FREM1: variants seen among roughly 807,000 people sequenced by gnomAD.
FREM1 encodes FRAS1 related extracellular matrix 1.
A neutral mutation model predicts 210.1 loss-of-function variants in FREM1; 220 were observed. The ratio of observed to expected loss-of-function variants is 1.05; its 90% CI spans 0.94 to 1.17. FREM1 has a LOEUF of 1.17. Among genes scored for constraint, FREM1 ranks in the 50% most tolerant of loss-of-function variants. The pLI is 0.00. For synonymous variants in FREM1, 1,189 were observed against 980.2 expected (o/e 1.21, Z -3.98); for missense variants, 3,454 against 2,675.5 (o/e 1.29, Z -6.42).
intron 19 of FREM1, among the ~76,000 whole-genome samples, chr9:14,804,563 C>T (rs896041905): frequency 2.0e-5 from 3 of 152,034 alleles, no homozygotes; most frequent in African/African-American, 4.8e-5. Flanking sequence ...CCAGCCTGGG[C>T]GACAGAGCGG....
At chr9:14,843,462 G>C (rs968923197) in intron 8 of FREM1, among the ~76,000 whole-genome samples, 6 of 152,036 alleles carry the variant, frequency 3.9e-5, no homozygotes, top group African/African-American at 1.2e-4. Context: ...AATTACATAA[G>C]CCAATTCCCA....
chr9:14,877,926 A>T (rs1013237035), intron 1 of FREM1, among the ~76,000 whole-genome samples: 7 of 151,968 alleles, frequency 4.6e-5, no homozygotes, highest in Admixed American at 2.6e-4. Flanking sequence ...AAGTTAATAC[A>T]CTCTTCCTTC....
chr9:14,882,769 C>G (rs578119487), intron 1 of FREM1, among the ~76,000 whole-genome samples: 5 of 151,490 alleles, frequency 3.3e-5, no homozygotes, highest in African/African-American at 7.3e-5. Context: ...GGATTCTAAT[C>G]CTGATTTTTA....
intron 5 of FREM1, among the ~76,000 whole-genome samples, chr9:14,856,204 C>A (rs914688286): frequency 1.3e-5 from 2 of 152,150 alleles, no homozygotes; most frequent in African/African-American, 4.8e-5. Context: ...GTACTATAAA[C>A]CCACTTTAAG....
chr9:14,737,194 C>T lies in FREM1; in HGVS notation c.*202G>A, dbSNP rs376485630. ...ATTTATTTTAAAAGGTATTGAGATACAAAAATTGTATCTTATCTTGTAAAA... is the reference window on the plus strand; with the variant it reads ...ATTTATTTTAAAAGGTATTGAGATATAAAAATTGTATCTTATCTTGTAAAA... On this transcript the variant is annotated 3_prime_UTR_variant, in exon 37 of 37. Coordinates refer to ENST00000380880, the MANE Select transcript of FREM1 (RefSeq NM_001379081.2). 2.0e-6 allele frequency: 1 copy of T among 499,452 alleles called. No homozygotes were observed. Among genetic ancestry groups the T allele is most frequent in the South Asian group, 3.7e-5 (1 of 26,782 alleles). 30.9% of individuals were successfully genotyped at this position (499,452 alleles called of 1,614,324 possible). A position where few individuals can be genotyped will look rare whatever the true frequency, so the allele number is the denominator to read the frequency against.
chr9:14,740,798 TG>T (rs537687733), intron 35 of FREM1, among the ~76,000 whole-genome samples: 105 of 152,340 alleles, frequency 6.9e-4, no homozygotes, highest in African/African-American at 2.5e-3. Context: ...TTAAAGTGCT[TG>T]TTTTTACAAA....
At position 14,861,358 on chromosome 9, in the gene FREM1, C is replaced by CACATATATAT. The variant is rs1554708870; in HGVS notation, c.330-1875_330-1874insATATATATGT. Among the ~76,000 whole-genome samples the CACATATATAT allele has an allele frequency of 1.0e-3, 95 of 93,126 alleles. 8 individuals are homozygous for CACATATATAT. Among genetic ancestry groups the CACATATATAT allele is most frequent in the African/African-American group, 5.3e-3 (88 of 16,754 alleles). The allele number at this position is 93,126 out of a possible 152,430, so 61.1% of individuals were successfully genotyped here. A position where few individuals can be genotyped will look rare whatever the true frequency, so the allele number is the denominator to read the frequency against. ...ATATACACATATATATACATATATA[C>CACATATATAT]ACATATATACACGTATATACATATA... On this transcript the variant is annotated intron_variant, in intron 3 of 36. Coordinates refer to ENST00000380880, the MANE Select transcript of FREM1 (RefSeq NM_001379081.2).
At chr9:14,777,411 G>A (rs950910905) in intron 24 of FREM1, among the ~76,000 whole-genome samples, 1 of 151,850 alleles carries the variant, frequency 6.6e-6, no homozygotes, top group African/African-American at 2.4e-5. Flanking sequence ...CTATCCAATG[G>A]GACTGACAAA....
rs144301633 is a variant in FREM1, at chr9:14,843,006, G to A, written c.1394-346C>T. ...TAAAATATTATTGCTGGGTGGTTCT[G>A]TGAAGCAGTGTTTCTTGAAGTGATT... On this transcript the variant is annotated intron_variant, in intron 8 of 36. Coordinates refer to ENST00000380880, the MANE Select transcript of FREM1 (RefSeq NM_001379081.2). Among the ~76,000 whole-genome samples, 6 of 152,332 alleles carry A rather than the reference G, an allele frequency of 3.9e-5. No individual in the cohort carries two copies. The Middle Eastern group carries it at 0.01, about 259-fold the overall frequency.
intron 29 of FREM1, among the ~76,000 whole-genome samples, chr9:14,750,874 C>T (rs1353629003): frequency 6.6e-6 from 1 of 152,086 alleles, no homozygotes. Flanking sequence ...AGAAATAAAG[C>T]CAATTTTTTC....
intron 23 of FREM1, among the ~76,000 whole-genome samples, chr9:14,787,255 G>A (rs1303649721): frequency 6.7e-6 from 1 of 148,774 alleles, no homozygotes; most frequent in African/African-American, 2.4e-5. Context: ...AAAAACTCAT[G>A]TTAAGTAAAA....
At chr9:14,881,932 G>A (rs1834865139) in intron 1 of FREM1, among the ~76,000 whole-genome samples, 1 of 152,170 alleles carries the variant, frequency 6.6e-6, no homozygotes, top group South Asian at 2.1e-4. Flanking sequence ...CAAGATGGAA[G>A]GTGCTGCCTT....
Position 14,797,500 on chromosome 9 carries a change from G to A in FREM1, c.3837C>T (p.Ser1279=). 1 of 1,605,210 alleles carries A rather than the reference G, an allele frequency of 6.2e-7. No individual in the cohort carries two copies. Among genetic ancestry groups the A allele is most frequent in the East Asian group, 2.2e-5 (1 of 44,694 alleles). Residue 1279 remains serine (S), a splice_region_variant and synonymous_variant, in exon 21 of 37, where the codon AGC becomes AGT. Transcript: ENST00000380880. Reference sequence around the variant, plus strand: ...GGGACTCTTTTCAGGTAGCTTACTTGCTCAGCATTGGTTTTTCATCATTAA... The same window carrying A: ...GGGACTCTTTTCAGGTAGCTTACTTACTCAGCATTGGTTTTTCATCATTAA... ...IPVNDEKPML[S]KKAEIAMNMG...
At chr9:14,891,649 T>C (rs912890096) in intron 1 of FREM1, among the ~76,000 whole-genome samples, 2 of 152,178 alleles carry the variant, frequency 1.3e-5, no homozygotes, top group South Asian at 2.1e-4. Context: ...AGGCAGCATT[T>C]GACTCAAACT....
In FREM1 at chr9:14,798,880, G is replaced by T. The variant is rs1005327770; in HGVS notation, c.3695-1238C>A. On this transcript the variant is annotated intron_variant, in intron 20 of 36. Transcript: ENST00000380880. ...ATAGAGTCTGGGTTTTGCCATGTTG[G>T]CCAGGCTGGTCTCGAACTCCTGACC... Among the ~76,000 whole-genome samples, 32 of 152,066 alleles carry T rather than the reference G, an allele frequency of 2.1e-4. 1 individual carries two copies. The highest frequency in any genetic ancestry group is 7.4e-5 in the Non-Finnish European group (5 of 67,966).
chr9:14,798,359 TAAC>T (rs1013646229), intron 20 of FREM1, among the ~76,000 whole-genome samples: 2 of 152,174 alleles, frequency 1.3e-5, no homozygotes. Flanking sequence ...CCTGTAGTCC[TAAC>T]AACTTTTCGG....
chr9:14,812,721 T>C, intron 16 of FREM1, 91 bp downstream of exon 16: 1 of 1,329,876 alleles, frequency 7.5e-7, no homozygotes. Flanking sequence ...GAAGTAACCA[T>C]TCTGACTGTT....
intron 29 of FREM1, among the ~76,000 whole-genome samples, chr9:14,753,085 C>G (rs954848930): frequency 6.6e-6 from 1 of 152,154 alleles, no homozygotes; most frequent in Non-Finnish European, 1.5e-5. Flanking sequence ...TTCCCTTCCT[C>G]TTTCACTTTC....
At chr9:14,794,663 G>C (rs1271179752) in intron 21 of FREM1, among the ~76,000 whole-genome samples, 1 of 152,134 alleles carries the variant, frequency 6.6e-6, no homozygotes, top group Non-Finnish European at 1.5e-5. Context: ...CATTAGATTT[G>C]GCGGGAAAGC....
Sources: gnomAD v4.1 joint callset for allele counts (sites outside exome capture counted in the v4.1 genomes callset) on GRCh38, gnomAD v4.1.1 for gene constraint, MANE v1.5 for transcripts, NCBI Gene and HGNC (gene_info 2026-07-23, HGNC 2026-07-21) for gene names.